HCN1: variants seen among roughly 807,000 people sequenced by gnomAD.
HCN1 encodes potassium/sodium hyperpolarization-activated cyclic nucleotide-gated channel 1.
HCN1 carries 13 observed loss-of-function variants against 78.9 expected under a neutral mutation model. The observed-to-expected ratio is 0.16, with a 90% CI of 0.11 to 0.26. The LOEUF is 0.26. Among genes scored for constraint, HCN1 ranks in the 10% least tolerant of loss-of-function variants. The probability of loss-of-function intolerance (pLI) is 1.00; values close to 1 mark genes in which losing one functional copy is unlikely to be tolerated. For missense variants in HCN1, 810 were observed against 1,154.3 expected, an observed-to-expected ratio of 0.70 and a Z score of 4.32; for synonymous variants, 552 against 455.5, an observed-to-expected ratio of 1.21 and a Z score of -2.70.
chr5:45,340,277 T>C (rs549109819), intron 5 of HCN1, among the ~76,000 whole-genome samples: 1 of 152,290 alleles, frequency 6.6e-6, no homozygotes, highest in African/African-American at 2.4e-5. Flanking sequence ...ATCTTCATTA[T>C]ATATTACCTT....
intron 6 of HCN1, among the ~76,000 whole-genome samples, chr5:45,279,785 A>G (rs1428619031): frequency 1.3e-5 from 2 of 152,140 alleles, no homozygotes; most frequent in East Asian, 1.9e-4. Context: ...TAAAATATAA[A>G]TATTCTTAAA....
Position 45,384,664 on chromosome 5 carries a change from C to T in HCN1, c.1230+11828G>A, listed in dbSNP as rs541185618. On this transcript the variant is annotated intron_variant, in intron 4 of 7. Coordinates refer to ENST00000303230, the MANE Select transcript of HCN1 (RefSeq NM_021072.4). ...AAAAATCTTAGAATAATAAATCTAGCTCTCAGTGAGGTCTTCCTTGGATGT... is the reference window on the plus strand; with the variant it reads ...AAAAATCTTAGAATAATAAATCTAGTTCTCAGTGAGGTCTTCCTTGGATGT... Among the ~76,000 whole-genome samples, 3 of 152,256 alleles carry T rather than the reference C, an allele frequency of 2.0e-5. No individual in the cohort carries two copies. In the East Asian group the frequency reaches 5.8e-4, roughly 29 times the overall value.
chr5:45,376,473 G>C (rs182298172), intron 4 of HCN1, among the ~76,000 whole-genome samples: 1 of 149,956 alleles, frequency 6.7e-6, no homozygotes, highest in Non-Finnish European at 1.5e-5. Flanking sequence ...AGATTGGCTA[G>C]TGTCTTGATC....
chr5:45,433,878 T>C (rs964864445), intron 3 of HCN1, among the ~76,000 whole-genome samples: 1 of 152,212 alleles, frequency 6.6e-6, no homozygotes, highest in Non-Finnish European at 1.5e-5. Context: ...TCAATATCTG[T>C]TGAATGACAA....
At chr5:45,426,434 G>A (rs985723501) in intron 3 of HCN1, among the ~76,000 whole-genome samples, 2 of 152,192 alleles carry the variant, frequency 1.3e-5, no homozygotes, top group Non-Finnish European at 2.9e-5. Flanking sequence ...GAGGGACCTG[G>A]TGGAGGTAAT....
intron 2 of HCN1, among the ~76,000 whole-genome samples, chr5:45,612,087 T>A (rs1561219777): frequency 6.6e-6 from 1 of 152,248 alleles, no homozygotes; most frequent in Non-Finnish European, 1.5e-5. Flanking sequence ...ACAAGGGTGA[T>A]AACTGATCTC....
chr5:45,297,938 A>G (rs1028188256), intron 6 of HCN1, among the ~76,000 whole-genome samples: 12 of 151,994 alleles, frequency 7.9e-5, no homozygotes, highest in Non-Finnish European at 1.6e-4. Flanking sequence ...AACTTTTAGA[A>G]AAGCTGTAAT....
chr5:45,383,912 C>T (rs1747864399), intron 4 of HCN1, among the ~76,000 whole-genome samples: 1 of 151,884 alleles, frequency 6.6e-6, no homozygotes, highest in African/African-American at 2.4e-5. Context: ...CTCTGCTCCA[C>T]AAAAAACAAA....
chr5:45,695,681 T>G lies in HCN1; in HGVS notation c.413A>C (p.Tyr138Ser). ...CGGGAGCCCTCACCTGAAATCACTGTAAGGGTGGATAATCCAGAAGCCTGC... is the reference window on the plus strand; with the variant it reads ...CGGGAGCCCTCACCTGAAATCACTGGAAGGGTGGATAATCCAGAAGCCTGC... ...KTAGFWIIHP[Y>S]SDFRFYWDLI... Residue 138 changes from tyrosine to serine, a missense_variant, in exon 1 of 8, where the codon TAC (tyrosine) becomes TCC (serine). Coordinates refer to ENST00000303230, the MANE Select transcript of HCN1 (RefSeq NM_021072.4). 1 of 1,612,190 alleles carries G rather than the reference T, an allele frequency of 6.2e-7. No homozygotes were observed. Among genetic ancestry groups the G allele is most frequent in the Non-Finnish European group, 8.5e-7 (1 of 1,179,480 alleles).
intron 2 of HCN1, among the ~76,000 whole-genome samples, chr5:45,619,206 G>A (rs550387953): frequency 2.6e-5 from 4 of 152,112 alleles, no homozygotes; most frequent in South Asian, 2.1e-4. Flanking sequence ...CACTAATCTC[G>A]TTTAAAATTG....
intron 2 of HCN1, among the ~76,000 whole-genome samples, chr5:45,553,072 C>T (rs1036507703): frequency 6.6e-6 from 1 of 151,886 alleles, no homozygotes; most frequent in Admixed American, 6.6e-5. Flanking sequence ...CTGAACTCTG[C>T]TTATTTACCT....
chr5:45,561,499 G>T (rs2625500), intron 2 of HCN1, among the ~76,000 whole-genome samples: 6 of 151,362 alleles, frequency 4.0e-5, no homozygotes, highest in African/African-American at 1.5e-4. Context: ...GTAGCAAAAA[G>T]AGAAAATGTG....
At chr5:45,600,093 AT>A (rs1744592310) in intron 2 of HCN1, among the ~76,000 whole-genome samples, 1 of 151,838 alleles carries the variant, frequency 6.6e-6, no homozygotes, top group Admixed American at 6.6e-5. Flanking sequence ...TGGTCTTGTC[AT>A]TTTTTCCTGA....
At chr5:45,516,989 A>G (rs1244771668) in intron 2 of HCN1, among the ~76,000 whole-genome samples, 2 of 152,046 alleles carry the variant, frequency 1.3e-5, no homozygotes, top group African/African-American at 4.8e-5. Context: ...GACTCTAGAC[A>G]CAGTTCCTTC....
intron 3 of HCN1, among the ~76,000 whole-genome samples, chr5:45,456,287 A>G (rs1741028098): frequency 6.6e-6 from 1 of 152,052 alleles, no homozygotes; most frequent in South Asian, 2.1e-4. Context: ...TTAAAACAAA[A>G]ACTGTATAAG....
intron 6 of HCN1, among the ~76,000 whole-genome samples, chr5:45,301,684 GC>G (rs1745624353): frequency 1.4e-5 from 2 of 147,384 alleles, no homozygotes; most frequent in Admixed American, 1.4e-4. Flanking sequence ...TCATGCCAGT[GC>G]ACTTCAGCCT....
chr5:45,542,353 G>A (rs761438492), intron 2 of HCN1, among the ~76,000 whole-genome samples: 3 of 151,954 alleles, frequency 2.0e-5, no homozygotes, highest in Non-Finnish European at 4.4e-5. Flanking sequence ...TTGTATTTTG[G>A]ACAAGGGTAA....
At chr5:45,438,436 T>C (rs960488894) in intron 3 of HCN1, among the ~76,000 whole-genome samples, 2 of 151,380 alleles carry the variant, frequency 1.3e-5, no homozygotes, top group Non-Finnish European at 3.0e-5. Flanking sequence ...ACTAAAAATA[T>C]AAAAAATTAG....
intron 3 of HCN1, among the ~76,000 whole-genome samples, chr5:45,401,464 ATAAT>A (rs1233229073): frequency 6.6e-6 from 1 of 152,092 alleles, no homozygotes; most frequent in African/African-American, 2.4e-5. Context: ...TTCTAATCAT[ATAAT>A]TACTCATATA....
Sources: gnomAD v4.1 joint callset for allele counts (sites outside exome capture counted in the v4.1 genomes callset) on GRCh38, gnomAD v4.1.1 for gene constraint, MANE v1.5 for transcripts, NCBI Gene and HGNC (gene_info 2026-07-23, HGNC 2026-07-21) for gene names.